ARB2A: variants seen among roughly 807,000 people sequenced by gnomAD.
The protein encoded by ARB2A is ARB2 cotranscriptional regulator A.
chr5:93,949,589 T>C, the ARB2A span, among the ~76,000 whole-genome samples: 2 of 151,790 alleles, frequency 1.3e-5, no homozygotes, highest in African/African-American at 2.4e-5. Flanking sequence ...ATAGTAATAA[T>C]AATTACATCA....
chr5:93,876,664 A>AAAATCC, the ARB2A span, among the ~76,000 whole-genome samples: 1 of 152,198 alleles, frequency 6.6e-6, no homozygotes, highest in African/African-American at 2.4e-5. Context: ...TAGAGAAAAG[A>AAAATCC]AAATCCAAAT....
At chr5:93,722,397 T>C in the ARB2A span, among the ~76,000 whole-genome samples, 4 of 152,122 alleles carry the variant, frequency 2.6e-5, no homozygotes, top group African/African-American at 9.7e-5. Context: ...AAATAATGTG[T>C]ACTTTAAAAA....
At chr5:93,639,902 G>A in the ARB2A span, among the ~76,000 whole-genome samples, 2 of 151,324 alleles carry the variant, frequency 1.3e-5, no homozygotes, top group African/African-American at 4.9e-5. Flanking sequence ...AAAATTAGCT[G>A]GGCATGGTGG....
chr5:93,678,699 T>C, the ARB2A span, among the ~76,000 whole-genome samples: 1 of 151,096 alleles, frequency 6.6e-6, no homozygotes, highest in African/African-American at 2.4e-5. Context: ...GAGGTTGCAG[T>C]GAGCAGAGAG....
the ARB2A span, among the ~76,000 whole-genome samples, chr5:93,988,854 C>T: frequency 6.6e-6 from 1 of 152,108 alleles, no homozygotes; most frequent in Non-Finnish European, 1.5e-5. Context: ...ATATAACCCA[C>T]CCATGGTCAC....
chr5:94,089,226 C>T, the ARB2A span, among the ~76,000 whole-genome samples: 1 of 152,150 alleles, frequency 6.6e-6, no homozygotes, highest in Non-Finnish European at 1.5e-5. Flanking sequence ...GAGAGTTAAA[C>T]TTCCTTTCAC....
the ARB2A span, among the ~76,000 whole-genome samples, chr5:93,772,438 C>T: frequency 6.6e-6 from 1 of 151,414 alleles, no homozygotes; most frequent in East Asian, 1.9e-4. Flanking sequence ...CACATGTACC[C>T]TAAAACTTAA....
At chr5:93,914,326 G>A in the ARB2A span, among the ~76,000 whole-genome samples, 1 of 152,040 alleles carries the variant, frequency 6.6e-6, no homozygotes, top group East Asian at 1.9e-4. Context: ...TTAAGTTATA[G>A]TAATCTATGC....
chr5:93,912,627 T>C, the ARB2A span, among the ~76,000 whole-genome samples: 1 of 151,738 alleles, frequency 6.6e-6, no homozygotes. Flanking sequence ...ATTCCCATGA[T>C]AAACAAAAAA....
the ARB2A span, among the ~76,000 whole-genome samples, chr5:94,060,798 C>A: frequency 2.6e-5 from 4 of 152,086 alleles, no homozygotes. Flanking sequence ...TATATAAAAA[C>A]AAATTACATC....
the ARB2A span, among the ~76,000 whole-genome samples, chr5:93,801,183 T>G: frequency 6.6e-6 from 1 of 152,150 alleles, no homozygotes; most frequent in Non-Finnish European, 1.5e-5. Context: ...CTAAGCCTCA[T>G]CACTGGGCAA....
chr5:93,821,956 C>A, the ARB2A span, among the ~76,000 whole-genome samples: 388 of 151,228 alleles, frequency 2.6e-3, 3 homozygotes, highest in Middle Eastern at 0.01. Context: ...TACTTTAGAA[C>A]CTAAACAACG....
At chr5:94,093,236 C>T in the ARB2A span, among the ~76,000 whole-genome samples, 4 of 152,128 alleles carry the variant, frequency 2.6e-5, no homozygotes, top group South Asian at 8.3e-4. Context: ...CACAAATAAT[C>T]TAACTGCTGA....
At chr5:93,873,305 G>T in the ARB2A span, among the ~76,000 whole-genome samples, 15 of 68,066 alleles carry the variant, frequency 2.2e-4, 2 homozygotes, top group Admixed American at 2.0e-4. Context: ...AAAAAAAGGG[G>T]GGGGGGAAAG....
At chr5:93,811,458 G>C in the ARB2A span, among the ~76,000 whole-genome samples, 5 of 152,062 alleles carry the variant, frequency 3.3e-5, no homozygotes, top group Non-Finnish European at 7.4e-5. Flanking sequence ...GCAATAAAGA[G>C]AGAATAAAAA....
At chr5:93,865,488 G>C in the ARB2A span, 2 of 985,148 alleles carry the variant, frequency 2.0e-6, no homozygotes, top group Non-Finnish European at 2.4e-6. Flanking sequence ...GGTATACTAA[G>C]ACAATGTAAC....
the ARB2A span, among the ~76,000 whole-genome samples, chr5:93,880,113 C>T: frequency 4.6e-5 from 7 of 151,604 alleles, no homozygotes; most frequent in African/African-American, 1.5e-4. Flanking sequence ...ATATAATAAG[C>T]GTTCTTGCTT....
At chr5:93,922,710 C>A in the ARB2A span, among the ~76,000 whole-genome samples, 1 of 145,022 alleles carries the variant, frequency 6.9e-6, no homozygotes, top group Non-Finnish European at 1.5e-5. Flanking sequence ...AAAGAAACAA[C>A]CAACTTGGGA....
At chr5:94,105,393 C>T in the ARB2A span, among the ~76,000 whole-genome samples, 1 of 151,944 alleles carries the variant, frequency 6.6e-6, no homozygotes, top group Non-Finnish European at 1.5e-5. Flanking sequence ...ACAATAGCCA[C>T]AAAAGAAATA....
Sources: allele counts gnomAD v4.1 joint callset (sites outside exome capture counted in the v4.1 genomes callset), GRCh38; gene constraint gnomAD v4.1.1; transcripts MANE v1.5; gene names NCBI Gene and HGNC (gene_info 2026-07-23, HGNC 2026-07-21).